Variants in SGSM3 observed in about 807,000 individuals in gnomAD.
SGSM3 encodes the protein RUN and SH3 containing 3.
Under a neutral mutation model 100.5 loss-of-function variants are expected in SGSM3, and 96 were observed. That is an observed-to-expected ratio of 0.96 (90% CI 0.81 to 1.13). The LOEUF (loss-of-function observed/expected upper bound fraction) is 1.13, where lower values mean the gene tolerates loss of function less well. SGSM3 is among the 50% of genes most tolerant of loss of function. The pLI is 0.00. For synonymous variants in SGSM3, 483 were observed against 422.8 expected, an observed-to-expected ratio of 1.14 and a Z score of -1.75; for missense variants, 1,001 against 1,015.8, an observed-to-expected ratio of 0.99 and a Z score of 0.20.
intron 1 of SGSM3, among the ~76,000 whole-genome samples, chr22:40,397,671 C>G (rs1021614931): frequency 6.6e-6 from 1 of 152,212 alleles, no homozygotes; most frequent in South Asian, 2.1e-4. Flanking sequence ...CCCACTCTTT[C>G]CTTCTCATTC....
intron 1 of SGSM3, among the ~76,000 whole-genome samples, chr22:40,376,733 TAGTC>T (rs1487023769): frequency 6.6e-6 from 1 of 152,202 alleles, no homozygotes; most frequent in Non-Finnish European, 1.5e-5. Flanking sequence ...GATTAGAACT[TAGTC>T]TGACTCTAGA....
intron 1 of SGSM3, among the ~76,000 whole-genome samples, chr22:40,394,671 C>T (rs1351189104): frequency 2.0e-5 from 3 of 149,978 alleles, no homozygotes; most frequent in Non-Finnish European, 3.0e-5. Flanking sequence ...AAAAAAATTC[C>T]AGTTTTTGCC....
At chr22:40,387,130 T>C in intron 1 of SGSM3, 1 of 398,168 alleles carries the variant, frequency 2.5e-6, no homozygotes, top group Non-Finnish European at 4.4e-6. Context: ...GTCAGTCCTT[T>C]GCTGAGGTGT....
intron 1 of SGSM3, chr22:40,373,322 A>T (rs1465590502): frequency 1.3e-5 from 2 of 152,096 alleles, no homozygotes; most frequent in African/African-American, 4.8e-5. Context: ...AATTACTACC[A>T]TTTCTCCTGC....
chr22:40,405,356 C>T lies in SGSM3; in HGVS notation c.618+72C>T, dbSNP rs568466686. ...CAGGACCCTAACAAGGAGTGGCCTC[C>T]CGCTACGGGGCAGTAGCCCCAGGGC... On this transcript the variant is annotated intron_variant, in intron 7 of 21. Coordinates refer to ENST00000248929, the MANE Select transcript of SGSM3 (RefSeq NM_015705.6). 4 of 1,360,932 alleles carry T rather than the reference C, an allele frequency of 2.9e-6. No individual in the cohort carries two copies. In the East Asian group the frequency reaches 8.1e-5, roughly 28 times the overall value. 84.3% of individuals were successfully genotyped at this position (1,360,932 alleles called of 1,614,324 possible).
At chr22:40,393,243 A>G (rs891839645) in intron 1 of SGSM3, among the ~76,000 whole-genome samples, 3 of 152,098 alleles carry the variant, frequency 2.0e-5, no homozygotes, top group African/African-American at 7.2e-5. Context: ...CGGCCTCCCA[A>G]ATAGCTGGGA....
At chr22:40,390,834 G>A (rs1002685659) in intron 1 of SGSM3, among the ~76,000 whole-genome samples, 1 of 152,164 alleles carries the variant, frequency 6.6e-6, no homozygotes, top group African/African-American at 2.4e-5. Flanking sequence ...TTATGAGCAG[G>A]GGGAGCAGTA....
rs776727515 is a variant in SGSM3, at chr22:40,405,674, TGGA to T, written c.654_656del (p.Glu218del). Reference sequence around the variant, plus strand: ...GTGGCCGCCTGCCTCCTGCTGTTCCTGGAGGAGGAGGACGCCTTCTGGATGATG... The same window carrying T: ...GTGGCCGCCTGCCTCCTGCTGTTCCTGGAGGAGGACGCCTTCTGGATGATG... On this transcript the variant is annotated inframe_deletion, in exon 8 of 22. Coordinates refer to ENST00000248929, the MANE Select transcript of SGSM3 (RefSeq NM_015705.6). 4.3e-6 allele frequency: 7 copies of T among 1,613,614 alleles called. No individual in the cohort carries two copies. Among genetic ancestry groups the T allele is most frequent in the African/African-American group, 1.3e-5 (1 of 75,048 alleles).
Position 40,394,540 on chromosome 22 carries a change from G to A in SGSM3, c.-111-6156G>A, listed in dbSNP as rs545272085. ...GGGCACCTGTAATCCCAGCTACTTG[G>A]GAGGCTGAGGCAGGAAAATCGCTTG... On this transcript the variant is annotated intron_variant, in intron 1 of 21. Transcript: ENST00000248929. 2.5e-3 allele frequency among the ~76,000 whole-genome samples: 384 copies of A among 152,026 alleles called. 4 individuals are homozygous for A. Among genetic ancestry groups the A allele is most frequent in the Non-Finnish European group, 4.6e-3 (313 of 67,952 alleles).
At chr22:40,389,120 C>T (rs1342774625) in intron 1 of SGSM3, among the ~76,000 whole-genome samples, 7 of 151,792 alleles carry the variant, frequency 4.6e-5, no homozygotes, top group Admixed American at 6.6e-5. Flanking sequence ...GAGTCGAAGG[C>T]GCAACATTAA....
chr22:40,409,651 C>T lies in SGSM3; in HGVS notation c.2173-31C>T, dbSNP rs1298737333. On this transcript the variant is annotated intron_variant, in intron 21 of 21. Transcript: ENST00000248929. ...GGAACTACCCCAGCCATGCCCAAGG[C>T]CTGTGAGGTGAGGGGCTGCCCTGTT... is the stretch of plus-strand genomic sequence containing the variant. 4.3e-6 allele frequency: 7 copies of T among 1,613,110 alleles called. No homozygotes were observed. The South Asian group carries it at 4.4e-5, about 10-fold the overall frequency.
intron 1 of SGSM3, among the ~76,000 whole-genome samples, chr22:40,393,987 A>G (rs561312863): frequency 5.9e-5 from 9 of 152,082 alleles, no homozygotes; most frequent in African/African-American, 2.2e-4. Flanking sequence ...ACAACACACT[A>G]TTCGTTTTCC....
intron 1 of SGSM3, among the ~76,000 whole-genome samples, chr22:40,378,477 C>G (rs1462158001): frequency 6.6e-6 from 1 of 151,564 alleles, no homozygotes; most frequent in Non-Finnish European, 1.5e-5. Flanking sequence ...GCCTGTCATC[C>G]TAGCACTTTG....
In SGSM3 at chr22:40,406,554, C is replaced by T; in HGVS notation, c.1077C>T (p.Gly359=). The T allele has an allele frequency of 6.2e-7, 1 of 1,612,870 alleles. No homozygotes were observed. Among genetic ancestry groups the T allele is most frequent in the Non-Finnish European group, 8.5e-7 (1 of 1,179,880 alleles). Reference sequence around the variant, plus strand: ...TGGGGGTGGCCATGCGGCTGGCCGGCTCCCTCACCGATGTGGCCGTGGAGA... The same window carrying T: ...TGGGGGTGGCCATGCGGCTGGCCGGTTCCCTCACCGATGTGGCCGTGGAGA... ...LLLGVAMRLA[G]SLTDVAVETQ... Residue 359 remains glycine (G), a synonymous_variant, in exon 10 of 22, where the codon GGC becomes GGT. Transcript: ENST00000248929.
chr22:40,407,638 C>G lies in SGSM3; in HGVS notation c.1524+70C>G. Reference sequence around the variant, plus strand: ...TTCCCCAGACTCCCTCCACCAAGCCCCACCCCAACCCCTTTCCCTGCCAAG... The same window carrying G: ...TTCCCCAGACTCCCTCCACCAAGCCGCACCCCAACCCCTTTCCCTGCCAAG... On this transcript the variant is annotated intron_variant, in intron 13 of 21. Coordinates refer to ENST00000248929, the MANE Select transcript of SGSM3 (RefSeq NM_015705.6). This position sits in a 1 kb window ranked among gnomAD's most constrained non-coding sequence, Gnocchi z 4.7. The G allele has an allele frequency of 6.3e-7, 1 of 1,578,964 alleles. No homozygotes were observed. Among genetic ancestry groups the G allele is most frequent in the Non-Finnish European group, 8.6e-7 (1 of 1,162,860 alleles).
chr22:40,402,096 A>G (rs906149548), intron 3 of SGSM3, 43 bp from the exon 4 acceptor site: 6 of 1,503,336 alleles, frequency 4.0e-6, no homozygotes, highest in African/African-American at 2.7e-5. Flanking sequence ...GAGGCCCCCA[A>G]CTAGGGGACA....
chr22:40,408,036 G>A (rs778305165), intron 14 of SGSM3, 35 bp from the exon 15 acceptor site: 26 of 1,608,452 alleles, frequency 1.6e-5, no homozygotes, highest in Middle Eastern at 1.7e-4. Flanking sequence ...CTCGGCCCTC[G>A]TGGTTGCTCC....
At chr22:40,394,624 G>A (rs543949667) in intron 1 of SGSM3, among the ~76,000 whole-genome samples, 1 of 138,740 alleles carries the variant, frequency 7.2e-6, no homozygotes, top group East Asian at 2.1e-4. Context: ...TAGCCTGGGT[G>A]ACAGAGTAAG....
intron 7 of SGSM3, 125 bp from the exon 8 acceptor site, chr22:40,405,524 G>T: frequency 2.1e-6 from 2 of 960,666 alleles, no homozygotes; most frequent in Non-Finnish European, 1.6e-6. Flanking sequence ...CCCAGGGAAG[G>T]CCTGGGTTCC....
Sources: allele counts gnomAD v4.1 joint callset (sites outside exome capture counted in the v4.1 genomes callset), GRCh38; gene constraint gnomAD v4.1.1; non-coding constraint Gnocchi (gnomAD v3.1); transcripts MANE v1.5; gene names NCBI Gene and HGNC (gene_info 2026-07-23, HGNC 2026-07-21).